Variants in ADGRB3 observed in about 807,000 individuals in gnomAD.
ADGRB3 encodes the protein adhesion G protein-coupled receptor B3.
A neutral mutation model predicts 193.4 loss-of-function variants in ADGRB3; 37 were observed. The observed-to-expected ratio is 0.19, with a 90% CI of 0.15 to 0.25. The LOEUF is 0.25. Ranked by LOEUF, ADGRB3 falls within the 10% of genes least tolerant of loss-of-function variation. ADGRB3 has a pLI of 1.00. For missense variants in ADGRB3, 1,637 were observed against 1,852.9 expected (o/e 0.88, Z 2.14); for synonymous variants, 690 against 644.2 (o/e 1.07, Z -1.08).
At chr6:68,779,230 A>G (rs60713758) in intron 3 of ADGRB3, among the ~76,000 whole-genome samples, 2,108 of 144,602 alleles carry the variant, frequency 0.015, 31 homozygotes, top group African/African-American at 0.023. Context: ...TGTATATATT[A>G]TGTGTGTGTG....
intron 3 of ADGRB3, among the ~76,000 whole-genome samples, chr6:68,804,602 G>A (rs904490327): frequency 7.2e-5 from 11 of 152,030 alleles, no homozygotes; most frequent in African/African-American, 2.7e-4. Context: ...CTCCATGAAA[G>A]TTCTTTGGTG....
chr6:69,193,962 A>T (rs954046997), intron 17 of ADGRB3, among the ~76,000 whole-genome samples: 14 of 152,116 alleles, frequency 9.2e-5, no homozygotes, highest in Admixed American at 4.6e-4. Flanking sequence ...TCCAGCTACC[A>T]TTTTATCCAT....
At chr6:69,088,238 T>C (rs1225775606) in intron 17 of ADGRB3, among the ~76,000 whole-genome samples, 1 of 152,228 alleles carries the variant, frequency 6.6e-6, no homozygotes, top group Admixed American at 6.5e-5. Flanking sequence ...CTTGTCTTTA[T>C]TGACACATAT....
intron 3 of ADGRB3, among the ~76,000 whole-genome samples, chr6:68,685,184 C>T (rs574298984): frequency 1.3e-5 from 2 of 151,902 alleles, no homozygotes; most frequent in Admixed American, 6.6e-5. Flanking sequence ...TTAAGGAATA[C>T]CCATAAAATT....
chr6:68,936,631 C>T lies in ADGRB3; in HGVS notation c.981C>T (p.Ser327=), dbSNP rs1033505820. The part of the protein sequence containing the change: ...TCVSPYGTHC[S]GPLRESRVCN... ...TATCACCTTACGGGACACACTGCAG[C>T]GGCCCATTAAGAGAATCAAGGGTTT... The change falls in exon 5 of 32, where the codon AGC becomes AGT. Residue 327 remains serine, a synonymous_variant. Coordinates refer to ENST00000370598, the MANE Select transcript of ADGRB3 (RefSeq NM_001704.3). 9.3e-6 allele frequency: 15 copies of T among 1,613,640 alleles called. No homozygotes were observed. The highest frequency in any genetic ancestry group is 1.3e-5 in the African/African-American group (1 of 74,908).
intron 3 of ADGRB3, among the ~76,000 whole-genome samples, chr6:68,754,826 G>A (rs1766269000): frequency 6.6e-6 from 1 of 152,108 alleles, no homozygotes; most frequent in African/African-American, 2.4e-5. Context: ...TCTAACCCTT[G>A]CACAATATTC....
At chr6:69,384,956 TTTTC>T (rs1367485681) in intron 31 of ADGRB3, among the ~76,000 whole-genome samples, 1 of 83,016 alleles carries the variant, frequency 1.2e-5, no homozygotes, top group Non-Finnish European at 2.4e-5. Flanking sequence ...TTTTCTTTTC[TTTTC>T]TTTTTTTTTT....
chr6:68,710,409 A>AT (rs1332747866), intron 3 of ADGRB3, among the ~76,000 whole-genome samples: 2 of 151,652 alleles, frequency 1.3e-5, no homozygotes, highest in Admixed American at 1.3e-4. Flanking sequence ...TTTATTACTA[A>AT]TTTTTTTGTA....
At chr6:69,017,984 A>G (rs184615897) in intron 12 of ADGRB3, among the ~76,000 whole-genome samples, 130 of 152,082 alleles carry the variant, frequency 8.5e-4, no homozygotes, top group Admixed American at 3.4e-3. Context: ...AAATATCTTC[A>G]TGGTGGCAAT....
chr6:68,742,169 G>A (rs1173476131), intron 3 of ADGRB3, among the ~76,000 whole-genome samples: 1 of 152,250 alleles, frequency 6.6e-6, no homozygotes, highest in Middle Eastern at 3.4e-3. Context: ...ATTGCTTGTG[G>A]TGTTTTCTCC....
chr6:68,928,988 T>G, intron 3 of ADGRB3, among the ~76,000 whole-genome samples: 1 of 152,306 alleles, frequency 6.6e-6, no homozygotes, highest in South Asian at 2.1e-4. Context: ...CCTAAATTGT[T>G]CATTTTCAAA....
intron 20 of ADGRB3, among the ~76,000 whole-genome samples, chr6:69,287,038 G>A (rs1444250433): frequency 1.3e-5 from 2 of 152,154 alleles, no homozygotes; most frequent in African/African-American, 4.8e-5. Flanking sequence ...AAACTTTGCA[G>A]CTCTAGGTAT....
intron 3 of ADGRB3, among the ~76,000 whole-genome samples, chr6:68,891,702 C>T (rs573231995): frequency 6.6e-5 from 10 of 152,240 alleles, no homozygotes; most frequent in Admixed American, 6.5e-4. Context: ...TTGAATTTAA[C>T]CCACCTTCAT....
chr6:69,223,009 T>C (rs1293892568), intron 17 of ADGRB3, among the ~76,000 whole-genome samples: 2 of 152,100 alleles, frequency 1.3e-5, no homozygotes, highest in Admixed American at 6.6e-5. Context: ...TGCTTACATA[T>C]AGTAATATTT....
intron 29 of ADGRB3, among the ~76,000 whole-genome samples, chr6:69,371,271 T>C (rs1309465514): frequency 2.0e-5 from 3 of 152,098 alleles, no homozygotes; most frequent in Admixed American, 1.3e-4. Flanking sequence ...GTAATGACAA[T>C]TTTAACTGTA....
chr6:69,119,330 G>A (rs775002952), intron 17 of ADGRB3, among the ~76,000 whole-genome samples: 27 of 152,174 alleles, frequency 1.8e-4, no homozygotes, highest in Non-Finnish European at 3.5e-4. Flanking sequence ...CTATGTGCAA[G>A]GCACATAGTA....
intron 29 of ADGRB3, among the ~76,000 whole-genome samples, chr6:69,367,635 G>A (rs541880319): frequency 1.4e-4 from 21 of 151,900 alleles, no homozygotes; most frequent in Non-Finnish European, 2.2e-4. Context: ...ATTTTTTCAT[G>A]TGTTTTTTGG....
At chr6:68,835,546 A>G (rs1279464874) in intron 3 of ADGRB3, among the ~76,000 whole-genome samples, 1 of 152,086 alleles carries the variant, frequency 6.6e-6, no homozygotes, top group African/African-American at 2.4e-5. Context: ...CATAAACATG[A>G]TATATGTTCC....
intron 17 of ADGRB3, among the ~76,000 whole-genome samples, chr6:69,199,529 T>C (rs143921162): frequency 4.7e-4 from 71 of 152,232 alleles, no homozygotes; most frequent in Middle Eastern, 3.4e-3. Flanking sequence ...AAAAATGTAA[T>C]TTTCTTGGCA....
Sources: gnomAD v4.1 joint callset for allele counts (sites outside exome capture counted in the v4.1 genomes callset) on GRCh38, gnomAD v4.1.1 for gene constraint, MANE v1.5 for transcripts, NCBI Gene and HGNC (gene_info 2026-07-23, HGNC 2026-07-21) for gene names.